The following GASK1B variants were observed in gnomAD, a reference collection of about 807,000 sequenced individuals.
The protein encoded by GASK1B is golgi associated kinase 1B, also known as Golgi-associated kinase 1B.
In GASK1B, 34 loss-of-function variants were observed where a neutral mutation model predicts 42.8. The observed-to-expected ratio is 0.79, with a 90% CI of 0.60 to 1.06. The LOEUF is 1.06. Among genes scored for constraint, GASK1B ranks in the 50% least tolerant of loss-of-function variants. The probability of loss-of-function intolerance (pLI) is 0.00; values close to 1 mark genes in which losing one functional copy is unlikely to be tolerated. For missense variants in GASK1B, 686 were observed against 661.0 expected (o/e 1.04, Z -0.42); for synonymous variants, 262 against 259.1 (o/e 1.01, Z -0.11).
rs778738585 is a variant in GASK1B, at chr4:158,170,834, C to T, written c.542G>A (p.Arg181Lys). ...TCGCACTCCCGGACCCCGCACCAAC[C>T]TCCAGGGTCGCTCTCCAATCTTAAC... Reference protein sequence around the residue: ...NLVKIGERPWRLVRGPGVRAG... With the variant: ...NLVKIGERPWKLVRGPGVRAG... Residue 181 changes from arginine to lysine, a missense_variant, in exon 2 of 5, where the codon AGG becomes AAG. Coordinates refer to ENST00000585682, the MANE Select transcript of GASK1B (RefSeq NM_001128424.2). 1 of 1,614,228 alleles carries T rather than the reference C, an allele frequency of 6.2e-7. No individual in the cohort carries two copies. The highest frequency in any genetic ancestry group is 8.5e-7 in the Non-Finnish European group (1 of 1,180,042).
intron 2 of GASK1B, among the ~76,000 whole-genome samples, chr4:158,167,383 A>C (rs1732268151): frequency 6.6e-6 from 1 of 152,224 alleles, no homozygotes; most frequent in Admixed American, 6.5e-5. Context: ...TTTGCATTGT[A>C]AGGAGGCTAC....
intron 2 of GASK1B, 77 bp downstream of exon 2, chr4:158,170,389 A>G (rs2111029707): frequency 6.2e-7 from 1 of 1,614,182 alleles, no homozygotes; most frequent in Non-Finnish European, 8.5e-7. Flanking sequence ...ATCATTTAGA[A>G]AAAGAGAGTG....
chr4:158,159,286 G>A (rs753384339), intron 2 of GASK1B, among the ~76,000 whole-genome samples: 1 of 152,150 alleles, frequency 6.6e-6, no homozygotes, highest in Non-Finnish European at 1.5e-5. Flanking sequence ...GATGGCTGTG[G>A]TTCCTTTCCA....
intron 3 of GASK1B, among the ~76,000 whole-genome samples, chr4:158,154,628 T>C (rs1353695211): frequency 1.3e-5 from 2 of 152,006 alleles, no homozygotes; most frequent in East Asian, 1.9e-4. Context: ...ATCAATCAAG[T>C]AGATAAAGAA....
At chr4:158,143,847 C>T (rs143629384) in intron 3 of GASK1B, among the ~76,000 whole-genome samples, 2 of 152,100 alleles carry the variant, frequency 1.3e-5, no homozygotes, top group East Asian at 3.9e-4. Flanking sequence ...TAAAAAAAAT[C>T]CTTTGTGCTG....
At chr4:158,142,134 C>CG (rs1229847391) in intron 3 of GASK1B, among the ~76,000 whole-genome samples, 1 of 139,662 alleles carries the variant, frequency 7.2e-6, no homozygotes, top group African/African-American at 2.6e-5. Context: ...TTAGTAGAGA[C>CG]GGGGTTTCAC....
intron 1 of GASK1B, among the ~76,000 whole-genome samples, chr4:158,171,982 T>C (rs1732564896): frequency 6.6e-6 from 1 of 152,194 alleles, no homozygotes; most frequent in Non-Finnish European, 1.5e-5. Flanking sequence ...AAGTCCTGAA[T>C]TAACTAAGTA....
intron 3 of GASK1B, among the ~76,000 whole-genome samples, chr4:158,133,022 G>A (rs1730740959): frequency 6.6e-6 from 1 of 152,182 alleles, no homozygotes; most frequent in Admixed American, 6.5e-5. Flanking sequence ...AACTTTTAGA[G>A]AACTTTATTG....
chr4:158,127,354 C>T lies in GASK1B; in HGVS notation c.*53G>A. The stretch of plus-strand genomic sequence containing the variant: ...GAGGTTGATGTGCTTGATTTAAAAA[C>T]AAAACCAAAAATGCATAAATATATC... On this transcript the variant is annotated 3_prime_UTR_variant, in exon 5 of 5. Coordinates refer to ENST00000585682, the MANE Select transcript of GASK1B (RefSeq NM_001128424.2). 1 of 1,529,240 alleles carries T rather than the reference C, an allele frequency of 6.5e-7. No individual in the cohort carries two copies. Among genetic ancestry groups the T allele is most frequent in the Non-Finnish European group, 8.9e-7 (1 of 1,118,584 alleles). The allele number at this position is 1,529,240 out of a possible 1,614,324, so 94.7% of individuals were successfully genotyped here.
chr4:158,170,215 T>C (rs1732414847), intron 2 of GASK1B: 3 of 1,606,980 alleles, frequency 1.9e-6, no homozygotes, highest in South Asian at 2.2e-5. Context: ...GCGAGGGAAA[T>C]GGAGAGCAAA....
In GASK1B at chr4:158,170,868, C is replaced by T; in HGVS notation, c.508G>A (p.Ala170Thr). 1 of 1,614,246 alleles carries T rather than the reference C, an allele frequency of 6.2e-7. No homozygotes were observed. The highest frequency in any genetic ancestry group is 8.5e-7 in the Non-Finnish European group (1 of 1,180,046). Residue 170 changes from alanine to threonine, a missense_variant, in exon 2 of 5, where the codon GCA becomes ACA. Physicochemically the swap from Ala to Thr is moderately conservative, Grantham distance 58 (BLOSUM62 0). Coordinates refer to ENST00000585682, the MANE Select transcript of GASK1B (RefSeq NM_001128424.2). ...CGCTCTCCAATCTTAACCAGGTTTG[C>T]TCCCTGAGCGTACCCAGGTGCTACA... ...DAVAPGYAQG[A>T]NLVKIGERPW...
chr4:158,159,468 G>A (rs1203230678), intron 2 of GASK1B: 1 of 426,500 alleles, frequency 2.3e-6, no homozygotes, highest in Non-Finnish European at 4.6e-6. Flanking sequence ...TTGAAGAGAT[G>A]ACAGAAAAAT....
chr4:158,165,577 T>C (rs913461162), intron 2 of GASK1B, among the ~76,000 whole-genome samples: 1 of 152,166 alleles, frequency 6.6e-6, no homozygotes, highest in Non-Finnish European at 1.5e-5. Flanking sequence ...AAAAATATTG[T>C]CAATGTTAGA....
chr4:158,138,935 T>C (rs1731011139), intron 3 of GASK1B, among the ~76,000 whole-genome samples: 1 of 152,254 alleles, frequency 6.6e-6, no homozygotes, highest in Non-Finnish European at 1.5e-5. Context: ...TCTATGTTTC[T>C]ATACTTCTTG....
rs1413674050 is a variant in GASK1B at position 158,171,557 on chromosome 4, C to CT, written c.-183dup. The CT allele has an allele frequency of 7.4e-6, 4 of 542,108 alleles. No homozygotes were observed. In the African/African-American group the frequency reaches 7.6e-5, roughly 10 times the overall value. 33.6% of individuals were successfully genotyped at this position (542,108 alleles called of 1,614,324 possible). On this transcript the variant is annotated 5_prime_UTR_variant, in exon 2 of 5. Coordinates refer to ENST00000585682, the MANE Select transcript of GASK1B (RefSeq NM_001128424.2). ...TGGGAATGTTTCTGACACAACAAAC[C>CT]TTTTAAATTATCAGTCTCCCCAAGG...
intron 2 of GASK1B, among the ~76,000 whole-genome samples, chr4:158,161,331 T>C (rs951384720): frequency 1.1e-4 from 17 of 152,182 alleles, no homozygotes; most frequent in Admixed American, 8.5e-4. Flanking sequence ...AACAGGTCTC[T>C]GCGTGATTCC....
intron 4 of GASK1B, among the ~76,000 whole-genome samples, chr4:158,128,786 C>T (rs959259612): frequency 2.0e-5 from 3 of 152,060 alleles, no homozygotes; most frequent in Non-Finnish European, 4.4e-5. Flanking sequence ...TGAGGAAGTG[C>T]GGAATGAAAG....
In GASK1B at chr4:158,132,201, T is replaced by A. The variant is rs180884000; in HGVS notation, c.1126-1189A>T. The stretch of plus-strand genomic sequence containing the variant: ...CGATTTTTTTCCCCAGTACGTCATA[T>A]TGAATGGTTTTAGGCTAACTAGTCA... On this transcript the variant is annotated intron_variant, in intron 3 of 4. Transcript: ENST00000585682. 2.6e-5 allele frequency among the ~76,000 whole-genome samples: 4 copies of A among 152,274 alleles called. No homozygotes were observed. The East Asian group carries it at 7.7e-4, about 29-fold the overall frequency.
intron 3 of GASK1B, among the ~76,000 whole-genome samples, chr4:158,137,908 A>T (rs1371351645): frequency 2.0e-5 from 3 of 152,188 alleles, no homozygotes; most frequent in Admixed American, 2.0e-4. Flanking sequence ...ATAGAAATCT[A>T]AAAATGGGCA....
Sources: gnomAD v4.1 joint callset for allele counts (sites outside exome capture counted in the v4.1 genomes callset) on GRCh38, gnomAD v4.1.1 for gene constraint, MANE v1.5 for transcripts, NCBI Gene and HGNC (gene_info 2026-07-23, HGNC 2026-07-21) for gene names.